Variants in SSR1 observed in about 807,000 individuals in gnomAD.
SSR1 encodes the protein signal sequence receptor subunit 1.
A neutral mutation model predicts 36.1 loss-of-function variants in SSR1; 13 were observed. That is an observed-to-expected ratio of 0.36 (90% CI 0.23 to 0.57). The LOEUF (loss-of-function observed/expected upper bound fraction) is 0.57. SSR1 is among the 20% of genes least tolerant of loss of function. The probability of loss-of-function intolerance (pLI) is 0.81; values close to 1 mark genes in which losing one functional copy is unlikely to be tolerated. For synonymous variants in SSR1, 113 were observed against 118.9 expected, an observed-to-expected ratio of 0.95 and a Z score of 0.32; for missense variants, 291 against 338.5, an observed-to-expected ratio of 0.86 and a Z score of 1.10.
chr6:7,313,183 G>A lies in SSR1; in HGVS notation c.-63C>T. 1.4e-6 allele frequency: 2 copies of A among 1,466,234 alleles called. No homozygotes were observed. The highest frequency in any genetic ancestry group is 1.4e-5 in the African/African-American group (1 of 69,864). 90.8% of individuals were successfully genotyped at this position (1,466,234 alleles called of 1,614,324 possible). A position where few individuals can be genotyped will look rare whatever the true frequency, so the allele number is the denominator to read the frequency against. On this transcript the variant is annotated 5_prime_UTR_variant, in exon 1 of 8. Transcript: ENST00000244763. ...GGCTCTCGGCGGCTCCGGCGGTAAT[G>A]GCGTTACTCTTCATCCGGGCTCCGG...
Position 7,284,553 on chromosome 6 carries a change from T to C in SSR1, c.*5311A>G, listed in dbSNP as rs1481427630. ...TTACAGCGAAAATGAGAGCAGTCACTTAAGCGGCTTACTGAGACCCAGGCA... is the reference window on the plus strand; with the variant it reads ...TTACAGCGAAAATGAGAGCAGTCACCTAAGCGGCTTACTGAGACCCAGGCA... On this transcript the variant is annotated 3_prime_UTR_variant, in exon 8 of 8. Transcript: ENST00000244763. 6.6e-6 allele frequency: 1 copy of C among 152,166 alleles called. No individual in the cohort carries two copies. Among genetic ancestry groups the C allele is most frequent in the East Asian group, 1.9e-4 (1 of 5,200 alleles). The allele number at this position is 152,166 out of a possible 1,614,324, so 9.4% of individuals were successfully genotyped here.
intron 1 of SSR1, 102 bp downstream of exon 1, chr6:7,312,940 G>GCGGACCCCAGGACC (rs1758240350): frequency 8.4e-7 from 1 of 1,191,200 alleles, no homozygotes; most frequent in Admixed American, 2.0e-5. Flanking sequence ...CGGGGTGGAC[G>GCGGACCCCAGGACC]CGGACCCCAG....
At position 7,312,962 on chromosome 6, in the gene SSR1, G is replaced by A. The variant is rs1008351551; in HGVS notation, c.79+80C>T. 2.2e-5 allele frequency: 32 copies of A among 1,424,842 alleles called. No individual in the cohort carries two copies. The South Asian group carries it at 3.8e-4, about 17-fold the overall frequency. The allele number at this position is 1,424,842 out of a possible 1,614,324, so 88.3% of individuals were successfully genotyped here. ...GACGCGGACCCCAGGACCCGGAGCG[G>A]CCACCGCCTCCAACTTCAAACTTGC... is the stretch of plus-strand genomic sequence containing the variant. On this transcript the variant is annotated intron_variant, in intron 1 of 7. Transcript: ENST00000244763.
chr6:7,292,767 G>C (rs1024157213), intron 7 of SSR1, among the ~76,000 whole-genome samples: 1 of 152,090 alleles, frequency 6.6e-6, no homozygotes, highest in African/African-American at 2.4e-5. Flanking sequence ...TGTTAGCATA[G>C]CTCATAAAAC....
rs569158027 is a variant in SSR1, at chr6:7,285,469, A to T, written c.*4395T>A. On this transcript the variant is annotated 3_prime_UTR_variant, in exon 8 of 8. Transcript: ENST00000244763. This position sits in a 1 kb window ranked among gnomAD's most constrained non-coding sequence, Gnocchi z 4.1. ...GGTGGGTGAATCACTTGAGCTCAGG[A>T]GTTCGAGACCAGCCTGGCAACATGG... 18 of 152,462 alleles carry T rather than the reference A, an allele frequency of 1.2e-4. No homozygotes were observed. Among genetic ancestry groups the T allele is most frequent in the Admixed American group, 1.1e-3 (17 of 15,302 alleles). 9.4% of individuals were successfully genotyped at this position (152,462 alleles called of 1,614,324 possible). A position where few individuals can be genotyped will look rare whatever the true frequency, so the allele number is the denominator to read the frequency against.
In SSR1 at chr6:7,289,845, T is replaced by C. The variant is rs1757643175; in HGVS notation, c.*19A>G. On this transcript the variant is annotated 3_prime_UTR_variant, in exon 8 of 8. Transcript: ENST00000244763. ...TAGGGCAGGTTAAGTAAAGACCGAA[T>C]TGTTGCACAAAGGAACATTTACTCA... 1.3e-6 allele frequency: 2 copies of C among 1,568,786 alleles called. No individual in the cohort carries two copies. Among genetic ancestry groups the C allele is most frequent in the African/African-American group, 1.4e-5 (1 of 71,700 alleles).
chr6:7,313,018 C>G (rs377488493), intron 1 of SSR1, 24 bp downstream of exon 1: 12 of 1,582,476 alleles, frequency 7.6e-6, no homozygotes, highest in Non-Finnish European at 1.0e-5. Flanking sequence ...TGGCCATCCC[C>G]TCCGCACACT....
rs149302696 is a variant in SSR1, at chr6:7,298,771, C to T, written c.596G>A (p.Arg199Lys). The T allele has an allele frequency of 7.4e-6, 12 of 1,613,430 alleles. No individual in the cohort carries two copies. In the South Asian group the frequency reaches 1.3e-4, roughly 18 times the overall value. The change falls in exon 5 of 8, where the codon AGA becomes AAA. Residue 199 changes from arginine to lysine, a missense_variant. Coordinates refer to ENST00000244763, the MANE Select transcript of SSR1 (RefSeq NM_003144.5). ...CGTTTCTCCATCTAACCCATCCTCTCTTTCAATAACTGTAACTGTTTGATT... is the reference window on the plus strand; with the variant it reads ...CGTTTCTCCATCTAACCCATCCTCTTTTTCAATAACTGTAACTGTTTGATT... ...VFNQTVTVIE[R>K]EDGLDGETIF...
intron 1 of SSR1, among the ~76,000 whole-genome samples, chr6:7,311,547 A>ATTT (rs1410132505): frequency 1.3e-5 from 2 of 152,262 alleles, no homozygotes; most frequent in Non-Finnish European, 2.9e-5. Flanking sequence ...AACAAAGCCT[A>ATTT]AAATAGTGCA....
intron 3 of SSR1, 64 bp from the exon 4 acceptor site, chr6:7,301,636 G>C (rs1159173361): frequency 6.7e-7 from 1 of 1,499,142 alleles, no homozygotes; most frequent in Admixed American, 2.0e-5. Context: ...TATTTAAAAA[G>C]GCATTACTAA....
chr6:7,299,376 A>G (rs753086260), intron 4 of SSR1, among the ~76,000 whole-genome samples: 1 of 152,196 alleles, frequency 6.6e-6, no homozygotes, highest in Non-Finnish European at 1.5e-5. Context: ...TAAGAACTAG[A>G]TCGGAACAAA....
At chr6:7,310,433 A>T (rs564174535) in intron 1 of SSR1, among the ~76,000 whole-genome samples, 2 of 152,260 alleles carry the variant, frequency 1.3e-5, no homozygotes, top group African/African-American at 4.8e-5. Context: ...TTAACTTCAA[A>T]AAGTGCCCAA....
At chr6:7,299,179 T>G (rs934691983) in intron 4 of SSR1, among the ~76,000 whole-genome samples, 1 of 152,178 alleles carries the variant, frequency 6.6e-6, no homozygotes, top group African/African-American at 2.4e-5. Flanking sequence ...AGTTGTCCCC[T>G]GAATTTTCTT....
In SSR1 at chr6:7,282,264, A is replaced by C. The variant is rs1757439551; in HGVS notation, c.*7600T>G. On this transcript the variant is annotated 3_prime_UTR_variant, in exon 8 of 8. Coordinates refer to ENST00000244763, the MANE Select transcript of SSR1 (RefSeq NM_003144.5). ...AGGAGATATTTTGACAAAACGGAAA[A>C]ACAACAGAACAGGAAGTGAGGCAGG... 1 of 152,280 alleles carries C rather than the reference A, an allele frequency of 6.6e-6. No homozygotes were observed. The highest frequency in any genetic ancestry group is 2.4e-5 in the African/African-American group (1 of 41,448). The allele number at this position is 152,280 out of a possible 1,614,324, so 9.4% of individuals were successfully genotyped here. A position where few individuals can be genotyped will look rare whatever the true frequency, so the allele number is the denominator to read the frequency against.
At chr6:7,292,949 T>C (rs1274957672) in intron 7 of SSR1, among the ~76,000 whole-genome samples, 2 of 152,044 alleles carry the variant, frequency 1.3e-5, no homozygotes, top group Non-Finnish European at 1.5e-5. Context: ...AGAAAACAAT[T>C]TAAAAATGGA....
chr6:7,310,102 T>A, intron 1 of SSR1, 73 bp from the exon 2 acceptor site: 2 of 1,303,774 alleles, frequency 1.5e-6, no homozygotes, highest in Admixed American at 2.0e-5. Flanking sequence ...ACATCAGGTA[T>A]AGGCAAAAAA....
rs781037484 is a variant in SSR1 at position 7,301,613 on chromosome 6, A to T, written c.281-41T>A. ...GAGACAAAAAAATTAGAACACATGG[A>T]AAGAGCACAAAATATTTAAAAAGGC... On this transcript the variant is annotated intron_variant, in intron 3 of 7. Transcript: ENST00000244763. The T allele has an allele frequency of 5.8e-6, 9 of 1,556,742 alleles. No homozygotes were observed. The East Asian group carries it at 1.8e-4, about 31-fold the overall frequency.
intron 6 of SSR1, 63 bp downstream of exon 6, chr6:7,297,860 T>G: frequency 7.7e-7 from 1 of 1,301,808 alleles, no homozygotes. Flanking sequence ...AGAACTAGAC[T>G]GCTTAACTTA....
intron 2 of SSR1, among the ~76,000 whole-genome samples, chr6:7,309,173 G>A (rs1328719601): frequency 6.6e-6 from 1 of 152,204 alleles, no homozygotes; most frequent in African/African-American, 2.4e-5. Context: ...ATAAGCTCTA[G>A]GCCAGGTGTG....
Sources: gnomAD v4.1 joint callset for allele counts (sites outside exome capture counted in the v4.1 genomes callset) on GRCh38, gnomAD v4.1.1 for gene constraint, Gnocchi (gnomAD v3.1) non-coding constraint, MANE v1.5 for transcripts, NCBI Gene and HGNC (gene_info 2026-07-23, HGNC 2026-07-21) for gene names.